COPG1: variants seen among roughly 807,000 people sequenced by gnomAD.
The protein encoded by COPG1 is coat protein complex I subunit gamma 1, also known as coatomer subunit gamma-1.
A neutral mutation model predicts 102.8 loss-of-function variants in COPG1; 29 were observed. The observed-to-expected ratio is 0.28, with a 90% CI of 0.21 to 0.38. The LOEUF (loss-of-function observed/expected upper bound fraction) is 0.38, where lower values mean the gene tolerates loss of function less well. Ranked by LOEUF, COPG1 falls within the 10% of genes least tolerant of loss-of-function variation. The pLI is 1.00. For synonymous variants in COPG1, 406 were observed against 421.6 expected (o/e 0.96, Z 0.45); for missense variants, 875 against 1,132.7 (o/e 0.77, Z 3.27).
In COPG1 at chr3:129,275,156, A is replaced by T. The variant is rs776157419; in HGVS notation, c.2396-38A>T. 1 of 1,592,938 alleles carries T rather than the reference A, an allele frequency of 6.3e-7. No individual in the cohort carries two copies. On this transcript the variant is annotated intron_variant, in intron 22 of 23. Transcript: ENST00000314797. This position sits in a 1 kb window ranked among gnomAD's most constrained non-coding sequence, Gnocchi z 5.0. ...GGAGTGGTGGTGGCACAAAGGGCAG[A>T]TAAGATGGCTTAACAATATTGGGAT...
intron 14 of COPG1, among the ~76,000 whole-genome samples, chr3:129,266,081 C>T (rs937585979): frequency 2.0e-5 from 3 of 152,016 alleles, no homozygotes; most frequent in Admixed American, 1.3e-4. Context: ...AAGCGATTCT[C>T]CTGCCTCAGC....
intron 5 of COPG1, chr3:129,253,162 C>T (rs1939735666): frequency 1.9e-6 from 1 of 516,036 alleles, no homozygotes; most frequent in African/African-American, 1.9e-5. Flanking sequence ...GACACAAATG[C>T]TTCCTTTTCT....
At chr3:129,268,102 C>T (rs1472327219) in intron 16 of COPG1, 62 bp downstream of exon 16, 12 of 1,396,720 alleles carry the variant, frequency 8.6e-6, no homozygotes, top group African/African-American at 1.4e-5. Flanking sequence ...TCTCATCACT[C>T]CCTGGGCAGG....
Position 129,272,418 on chromosome 3 carries a change from G to A in COPG1, c.2158+3G>A, listed in dbSNP as rs369631752. 6.3e-5 allele frequency: 102 copies of A among 1,611,678 alleles called. No homozygotes were observed. In the African/African-American group the frequency reaches 1.2e-3, roughly 20 times the overall value. ...GCCCAAAGAAGACCCCACAGCTGGTGAGCCCCTCTCCAGATACCACCCTAT... is the reference window on the plus strand; with the variant it reads ...GCCCAAAGAAGACCCCACAGCTGGTAAGCCCCTCTCCAGATACCACCCTAT... On this transcript the variant is annotated splice_donor_region_variant and intron_variant, in intron 20 of 23. Transcript: ENST00000314797.
chr3:129,269,563 C>G (rs1940148097), intron 18 of COPG1, among the ~76,000 whole-genome samples: 1 of 152,140 alleles, frequency 6.6e-6, no homozygotes, highest in Non-Finnish European at 1.5e-5. Context: ...AAACAGCCCT[C>G]TGTGCTAAAT....
intron 14 of COPG1, 51 bp from the exon 15 acceptor site, chr3:129,266,973 A>G (rs566886412): frequency 3.3e-6 from 5 of 1,527,620 alleles, no homozygotes; most frequent in African/African-American, 2.7e-5. Flanking sequence ...GTGCCCAAAC[A>G]GTGAGTTGTC....
intron 14 of COPG1, among the ~76,000 whole-genome samples, chr3:129,266,317 C>T (rs530461001): frequency 1.3e-4 from 20 of 151,936 alleles, no homozygotes; most frequent in East Asian, 9.7e-4. Flanking sequence ...TTAATTGAGA[C>T]GGGGTCTTGC....
chr3:129,269,724 TA>T (rs1028367974), intron 18 of COPG1, among the ~76,000 whole-genome samples: 5 of 152,150 alleles, frequency 3.3e-5, no homozygotes, highest in African/African-American at 1.2e-4. Context: ...TATATCAATA[TA>T]GCATGGATCC....
intron 18 of COPG1, among the ~76,000 whole-genome samples, chr3:129,269,721 A>G (rs954397265): frequency 1.3e-5 from 2 of 152,098 alleles, no homozygotes; most frequent in Non-Finnish European, 2.9e-5. Context: ...TCTTATATCA[A>G]TATAGCATGG....
chr3:129,252,079 C>T (rs1939710567), intron 2 of COPG1, among the ~76,000 whole-genome samples: 1 of 152,188 alleles, frequency 6.6e-6, no homozygotes, highest in Admixed American at 6.5e-5. Flanking sequence ...ACATCCCTAA[C>T]TAATATTTAC....
chr3:129,263,394 A>T (rs56081532), intron 12 of COPG1, among the ~76,000 whole-genome samples: 17,090 of 152,150 alleles, frequency 0.11, 2,670 homozygotes, highest in African/African-American at 0.35. Flanking sequence ...CAGTTGGAAA[A>T]GGCAGGTCTT....
In COPG1 at chr3:129,267,950, G is replaced by A. The variant is rs755554614; in HGVS notation, c.1558G>A (p.Asp520Asn). The change falls in exon 16 of 24, where the codon GAT (aspartate) becomes AAT (asparagine). Residue 520 changes from aspartate to asparagine, a missense_variant. Transcript: ENST00000314797. ...LVLLKRCVMD[D>N]DNEVRDRATF... ...TCCTGGCTGCAGGTGTGTGATGGATGATGACAATGAAGTAAGGGACCGAGC... is the reference window on the plus strand; with the variant it reads ...TCCTGGCTGCAGGTGTGTGATGGATAATGACAATGAAGTAAGGGACCGAGC... 2 of 1,614,006 alleles carry A rather than the reference G, an allele frequency of 1.2e-6. No homozygotes were observed. Among genetic ancestry groups the A allele is most frequent in the Admixed American group, 1.7e-5 (1 of 60,004 alleles).
At chr3:129,268,898 T>A (rs1940124174) in intron 17 of COPG1, 34 bp from the exon 18 acceptor site, 2 of 1,588,478 alleles carry the variant, frequency 1.3e-6, no homozygotes, top group Non-Finnish European at 1.7e-6. Context: ...TGACTCCAGC[T>A]GTTGGTCATC....
intron 12 of COPG1, among the ~76,000 whole-genome samples, chr3:129,261,680 A>G (rs1939928511): frequency 6.6e-6 from 1 of 152,212 alleles, no homozygotes; most frequent in South Asian, 2.1e-4. Flanking sequence ...CAGGAAAGTG[A>G]CACTGGCATG....
intron 12 of COPG1, 72 bp downstream of exon 12, chr3:129,260,879 C>G (rs1282096208): frequency 6.6e-7 from 1 of 1,506,766 alleles, no homozygotes. Context: ...GTGGCCACAG[C>G]CTTCCTGCCA....
intron 3 of COPG1, 60 bp downstream of exon 3, chr3:129,252,421 C>A: frequency 7.9e-7 from 1 of 1,267,906 alleles, no homozygotes; most frequent in Non-Finnish European, 1.2e-6. Context: ...GGGGAGTGGA[C>A]AAATCATGAT....
chr3:129,271,860 A>G lies in COPG1; in HGVS notation c.1937A>G (p.Tyr646Cys), dbSNP rs1940186786. ...GCCCTCACCGAGTCAGAGACGGAGT[A>G]TGTCATCCGCTGCACCAAACACACC... ...PVALTESETEYVIRCTKHTFT... is the reference protein window; with the variant it reads ...PVALTESETECVIRCTKHTFT... The change falls in exon 19 of 24, where the codon TAT (tyrosine) becomes TGT (cysteine). Residue 646 changes from tyrosine (Y) to cysteine (C), a missense_variant. Transcript: ENST00000314797. The surrounding 1 kb of genome is among the most constrained non-coding windows in gnomAD (Gnocchi z 4.7). 6.2e-7 allele frequency: 1 copy of G among 1,614,182 alleles called. No homozygotes were observed. The highest frequency in any genetic ancestry group is 8.5e-7 in the Non-Finnish European group (1 of 1,180,034).
Position 129,272,340 on chromosome 3 carries a change from G to T in COPG1, c.2083G>T (p.Ala695Ser). 6.2e-7 allele frequency: 1 copy of T among 1,614,128 alleles called. No homozygotes were observed. Among genetic ancestry groups the T allele is most frequent in the Non-Finnish European group, 8.5e-7 (1 of 1,180,008 alleles). The change falls in exon 20 of 24, where the codon GCC (alanine) becomes TCC (serine). Residue 695 changes from alanine to serine, a missense_variant. Physicochemically the swap from Ala to Ser is moderately conservative, Grantham distance 99 (BLOSUM62 1). Coordinates refer to ENST00000314797, the MANE Select transcript of COPG1 (RefSeq NM_016128.4). ...EAYEVLCYVP[A>S]RSLPYNQPGT... Reference sequence around the variant, plus strand: ...CTATGAGGTGCTCTGTTACGTGCCTGCCCGGAGCCTGCCCTACAACCAGCC... The same window carrying T: ...CTATGAGGTGCTCTGTTACGTGCCTTCCCGGAGCCTGCCCTACAACCAGCC...
chr3:129,256,251 C>T, intron 8 of COPG1, 97 bp downstream of exon 8: 1 of 982,874 alleles, frequency 1.0e-6, no homozygotes, highest in Non-Finnish European at 1.6e-6. Flanking sequence ...ATCCTTGTGA[C>T]CCCTGGCCAT....
Sources: gnomAD v4.1 joint callset for allele counts (sites outside exome capture counted in the v4.1 genomes callset) on GRCh38, gnomAD v4.1.1 for gene constraint, Gnocchi (gnomAD v3.1) non-coding constraint, MANE v1.5 for transcripts, NCBI Gene and HGNC (gene_info 2026-07-23, HGNC 2026-07-21) for gene names.